RICTOR: variants seen among roughly 807,000 people sequenced by gnomAD.
The protein encoded by RICTOR is RPTOR independent companion of MTOR complex 2.
In RICTOR, 49 loss-of-function variants were observed where a neutral mutation model predicts 214.9. The observed-to-expected ratio is 0.23, with a 90% CI of 0.18 to 0.29. The LOEUF is 0.29. Among genes scored for constraint, RICTOR ranks in the 10% least tolerant of loss-of-function variants. The probability of loss-of-function intolerance (pLI) is 1.00; values close to 1 mark genes in which losing one functional copy is unlikely to be tolerated. For missense variants in RICTOR, 1,625 were observed against 2,047.0 expected (o/e 0.79, Z 3.98); for synonymous variants, 717 against 711.3 (o/e 1.01, Z -0.13).
At chr5:39,052,693 G>A (rs955848222) in intron 2 of RICTOR, among the ~76,000 whole-genome samples, 2 of 152,148 alleles carry the variant, frequency 1.3e-5, no homozygotes, top group African/African-American at 4.8e-5. Flanking sequence ...TTTAACTCAA[G>A]TAGTCCTCTT....
intron 3 of RICTOR, among the ~76,000 whole-genome samples, chr5:39,017,294 G>A (rs1168776545): frequency 6.6e-6 from 1 of 151,976 alleles, no homozygotes; most frequent in African/African-American, 2.4e-5. Context: ...AAGCAAGTGA[G>A]GCTTATTTGA....
intron 13 of RICTOR, 30 bp from the exon 14 acceptor site, chr5:38,967,257 A>C: frequency 6.2e-7 from 1 of 1,604,242 alleles, no homozygotes; most frequent in Non-Finnish European, 8.5e-7. Context: ...AACAATTTAA[A>C]TAAAGTTTCA....
chr5:39,050,363 G>T (rs981805267), intron 2 of RICTOR, among the ~76,000 whole-genome samples: 6 of 151,750 alleles, frequency 4.0e-5, no homozygotes, highest in Non-Finnish European at 4.4e-5. Flanking sequence ...TTGAGACGGG[G>T]TCTCTCTCTG....
chr5:38,978,968 C>G (rs1751470985), intron 8 of RICTOR, among the ~76,000 whole-genome samples: 1 of 152,130 alleles, frequency 6.6e-6, no homozygotes, highest in African/African-American at 2.4e-5. Flanking sequence ...TAGTCACAAT[C>G]AGTATCTATC....
At position 38,941,151 on chromosome 5, in the gene RICTOR, C is replaced by CA. The variant is rs1023913937; in HGVS notation, c.*1152dup. The CA allele has an allele frequency of 1.7e-5, 4 of 232,790 alleles. No homozygotes were observed. The highest frequency in any genetic ancestry group is 3.4e-5 in the Non-Finnish European group (4 of 117,622). 14.4% of individuals were successfully genotyped at this position (232,790 alleles called of 1,614,324 possible). A position where few individuals can be genotyped will look rare whatever the true frequency, so the allele number is the denominator to read the frequency against. ...AAACAAACAAAAACCTTGCCCTCAT[C>CA]AACTTAACTTCACAAATGGATAAAG... On this transcript the variant is annotated 3_prime_UTR_variant, in exon 38 of 38. Coordinates refer to ENST00000357387, the MANE Select transcript of RICTOR (RefSeq NM_152756.5).
chr5:39,041,637 G>A (rs781411260), intron 2 of RICTOR, among the ~76,000 whole-genome samples: 1 of 152,122 alleles, frequency 6.6e-6, no homozygotes, highest in Admixed American at 6.6e-5. Flanking sequence ...TAGATTTCCG[G>A]ATTGGGTAAA....
At chr5:38,964,281 C>G (rs1750034272) in intron 16 of RICTOR, among the ~76,000 whole-genome samples, 1 of 151,786 alleles carries the variant, frequency 6.6e-6, no homozygotes, top group Non-Finnish European at 1.5e-5. Context: ...TCCAGCAGAG[C>G]TACAATTGTA....
intron 2 of RICTOR, among the ~76,000 whole-genome samples, chr5:39,033,670 C>T (rs549146373): frequency 4.6e-5 from 7 of 151,902 alleles, no homozygotes; most frequent in Non-Finnish European, 7.4e-5. Flanking sequence ...AAAGAGACAC[C>T]GGGGACTAGT....
intron 2 of RICTOR, among the ~76,000 whole-genome samples, chr5:39,042,263 T>C (rs562872993): frequency 1.3e-5 from 2 of 152,308 alleles, no homozygotes; most frequent in African/African-American, 2.4e-5. Flanking sequence ...AATATTCTTA[T>C]CATCTTCAAA....
chr5:39,050,973 C>T (rs1338714063), intron 2 of RICTOR, among the ~76,000 whole-genome samples: 3 of 151,676 alleles, frequency 2.0e-5, no homozygotes, highest in Non-Finnish European at 4.4e-5. Context: ...ATAGCAATTC[C>T]TATATATTAT....
At chr5:38,963,376 G>A (rs1749956313) in intron 16 of RICTOR, among the ~76,000 whole-genome samples, 1 of 151,756 alleles carries the variant, frequency 6.6e-6, no homozygotes, top group Non-Finnish European at 1.5e-5. Context: ...TGCTTTTCAC[G>A]TATAAATCCT....
At chr5:38,979,910 G>T (rs898540894) in intron 8 of RICTOR, among the ~76,000 whole-genome samples, 1 of 152,092 alleles carries the variant, frequency 6.6e-6, no homozygotes, top group Non-Finnish European at 1.5e-5. Flanking sequence ...CTTTTGTGCT[G>T]TTCAATTTAT....
intron 2 of RICTOR, among the ~76,000 whole-genome samples, chr5:39,042,586 C>T (rs1001991816): frequency 7.9e-5 from 12 of 152,274 alleles, no homozygotes; most frequent in East Asian, 7.7e-4. Context: ...AGTTGTACTG[C>T]CTTGCATAGG....
At chr5:38,965,669 C>T (rs1750152308) in intron 15 of RICTOR, among the ~76,000 whole-genome samples, 1 of 151,818 alleles carries the variant, frequency 6.6e-6, no homozygotes, top group African/African-American at 2.4e-5. Context: ...AATTCTTTCA[C>T]AGATGGGCCA....
chr5:38,942,173 G>T lies in RICTOR; in HGVS notation c.*131C>A. On this transcript the variant is annotated 3_prime_UTR_variant, in exon 38 of 38. Transcript: ENST00000357387. ...AGCAGTTCCAACTGTTCATGTACCA[G>T]TAACTGCGGAACAGTGTACAGAAGA... 1 of 483,142 alleles carries T rather than the reference G, an allele frequency of 2.1e-6. No homozygotes were observed. The highest frequency in any genetic ancestry group is 3.8e-6 in the Non-Finnish European group (1 of 265,944). The allele number at this position is 483,142 out of a possible 1,614,324, so 29.9% of individuals were successfully genotyped here.
chr5:38,949,661 TTTG>T (rs1383687227), intron 31 of RICTOR, 48 bp downstream of exon 31: 1 of 1,480,574 alleles, frequency 6.8e-7, no homozygotes, highest in South Asian at 1.2e-5. Flanking sequence ...TGTATTTAAA[TTTG>T]TTAAAATGCA....
At chr5:38,999,450 G>A (rs1438981012) in intron 5 of RICTOR, among the ~76,000 whole-genome samples, 1 of 152,086 alleles carries the variant, frequency 6.6e-6, no homozygotes, top group East Asian at 1.9e-4. Context: ...AGTGAAAACA[G>A]CCTTTGAACA....
chr5:39,009,339 A>C (rs971147253), intron 3 of RICTOR, among the ~76,000 whole-genome samples: 1 of 152,158 alleles, frequency 6.6e-6, no homozygotes, highest in African/African-American at 2.4e-5. Context: ...TTAGTGAAAA[A>C]GTTAAACAAA....
At position 39,073,196 on chromosome 5, in the gene RICTOR, G is replaced by A. The variant is rs368374569; in HGVS notation, c.97+915C>T. Reference sequence around the variant, plus strand: ...AACTGATTCTGTACAGCTGAACCGGGTTACACTCCAAGCTACAGCCCGTGT... The same window carrying A: ...AACTGATTCTGTACAGCTGAACCGGATTACACTCCAAGCTACAGCCCGTGT... On this transcript the variant is annotated intron_variant, in intron 2 of 37. Transcript: ENST00000357387. Among the ~76,000 whole-genome samples the A allele has an allele frequency of 7.0e-4, 106 of 152,230 alleles. 1 individual carries two copies. The South Asian group carries it at 0.021, about 31-fold the overall frequency.
Sources: gnomAD v4.1 joint callset for allele counts (sites outside exome capture counted in the v4.1 genomes callset) on GRCh38, gnomAD v4.1.1 for gene constraint, MANE v1.5 for transcripts, NCBI Gene and HGNC (gene_info 2026-07-23, HGNC 2026-07-21) for gene names.